Variants in COPZ1 observed in about 807,000 individuals in gnomAD.
COPZ1 encodes the protein coatomer subunit zeta-1.
In COPZ1, 4 loss-of-function variants were observed where a neutral mutation model predicts 31.7. That is an observed-to-expected ratio of 0.13 (90% CI 0.06 to 0.29). COPZ1 has a LOEUF of 0.29. Ranked by LOEUF, COPZ1 falls within the 10% of genes least tolerant of loss-of-function variation. The probability of loss-of-function intolerance (pLI) is 1.00; values close to 1 mark genes in which losing one functional copy is unlikely to be tolerated. For synonymous variants in COPZ1, 74 were observed against 79.0 expected, an observed-to-expected ratio of 0.94 and a Z score of 0.33; for missense variants, 156 against 211.5, an observed-to-expected ratio of 0.74 and a Z score of 1.63.
intron 8 of COPZ1, chr12:54,350,178 C>A (rs975580469): frequency 1.2e-5 from 8 of 681,324 alleles, no homozygotes; most frequent in Admixed American, 4.4e-5. Context: ...ATTTGTTACC[C>A]GCCCCCTGCC....
At chr12:54,330,183 G>T (rs1953724889) in intron 1 of COPZ1, among the ~76,000 whole-genome samples, 1 of 152,112 alleles carries the variant, frequency 6.6e-6, no homozygotes, top group African/African-American at 2.4e-5. Context: ...GAGGTCCCTG[G>T]CAGCAATAAA....
chr12:54,326,392 G>C lies in COPZ1; in HGVS notation c.18+1211G>C, dbSNP rs539512689. Among the ~76,000 whole-genome samples the C allele has an allele frequency of 1.5e-3, 218 of 148,108 alleles. 1 individual carries two copies. The highest frequency in any genetic ancestry group is 2.4e-3 in the Non-Finnish European group (161 of 67,374). On this transcript the variant is annotated intron_variant, in intron 1 of 8. Transcript: ENST00000262061. ...CCTGACCTCGTAATCCACCCGCCTC[G>C]GCCTCCCAAAGTGCTGGGATTACAG...
Position 54,350,680 on chromosome 12 carries a change from C to G in COPZ1, c.*157C>G. 1.5e-6 allele frequency: 1 copy of G among 655,394 alleles called. No individual in the cohort carries two copies. The highest frequency in any genetic ancestry group is 2.7e-5 in the East Asian group (1 of 37,088). 40.6% of individuals were successfully genotyped at this position (655,394 alleles called of 1,614,324 possible). On this transcript the variant is annotated 3_prime_UTR_variant, in exon 9 of 9. Coordinates refer to ENST00000262061, the MANE Select transcript of COPZ1 (RefSeq NM_016057.3). The stretch of plus-strand genomic sequence containing the variant: ...GTTTGTGGTTGCCCCCTCAACCTCC[C>G]CTACACCCTTCCTATTCTTTTTCAT...
At chr12:54,346,036 T>G (rs1954057141) in intron 5 of COPZ1, among the ~76,000 whole-genome samples, 1 of 151,788 alleles carries the variant, frequency 6.6e-6, no homozygotes, top group Admixed American at 6.6e-5. Context: ...AGTATGTCCC[T>G]CCCATAGAAT....
intron 3 of COPZ1, among the ~76,000 whole-genome samples, 154 bp from the exon 4 acceptor site, chr12:54,343,071 G>A (rs936176226): frequency 6.6e-6 from 1 of 151,992 alleles, no homozygotes; most frequent in African/African-American, 2.4e-5. Context: ...TGGCCAGGCT[G>A]GTCTTGAACT....
intron 7 of COPZ1, among the ~76,000 whole-genome samples, chr12:54,348,648 A>G (rs1279553615): frequency 6.6e-6 from 1 of 152,070 alleles, no homozygotes; most frequent in Non-Finnish European, 1.5e-5. Context: ...AAGGCAGGAG[A>G]ATTGCTTGAG....
intron 1 of COPZ1, among the ~76,000 whole-genome samples, chr12:54,328,514 C>G (rs768014503): frequency 6.6e-6 from 1 of 151,952 alleles, no homozygotes; most frequent in African/African-American, 2.4e-5. Context: ...CGCGGTGAGC[C>G]GAGATGCGCC....
In COPZ1 at chr12:54,339,542, G is replaced by A. The variant is rs575688957; in HGVS notation, c.19-1005G>A. Among the ~76,000 whole-genome samples the A allele has an allele frequency of 6.6e-5, 10 of 152,028 alleles. No homozygotes were observed. In the East Asian group the frequency reaches 1.9e-3, roughly 29 times the overall value. ...TTTTTTATTTTTGTAGAGATGGGGG[G>A]TCTCCCTGTGTTTCCCAGGCTGGTC... On this transcript the variant is annotated intron_variant, in intron 1 of 8. Coordinates refer to ENST00000262061, the MANE Select transcript of COPZ1 (RefSeq NM_016057.3).
At chr12:54,336,473 C>T (rs1341022756) in intron 1 of COPZ1, among the ~76,000 whole-genome samples, 1 of 151,594 alleles carries the variant, frequency 6.6e-6, no homozygotes, top group Non-Finnish European at 1.5e-5. Flanking sequence ...GGAGGCGGAG[C>T]TTGCAGTGAG....
chr12:54,351,412 C>T lies in COPZ1; in HGVS notation c.*889C>T, dbSNP rs1259858401. The T allele has an allele frequency of 6.6e-6, 1 of 152,278 alleles. No homozygotes were observed. Among genetic ancestry groups the T allele is most frequent in the Non-Finnish European group, 1.5e-5 (1 of 68,126 alleles). The allele number at this position is 152,278 out of a possible 1,614,324, so 9.4% of individuals were successfully genotyped here. A position where few individuals can be genotyped will look rare whatever the true frequency, so the allele number is the denominator to read the frequency against. On this transcript the variant is annotated 3_prime_UTR_variant, in exon 9 of 9. Coordinates refer to ENST00000262061, the MANE Select transcript of COPZ1 (RefSeq NM_016057.3). ...TGGGCCTCTAGGCTGTCTCTGTCCC[C>T]TCAGCTCCCCGACATGCATTTACTC...
At chr12:54,329,317 G>T (rs1006745972) in intron 1 of COPZ1, among the ~76,000 whole-genome samples, 3 of 151,792 alleles carry the variant, frequency 2.0e-5, no homozygotes, top group African/African-American at 7.3e-5. Flanking sequence ...TGAATTACTC[G>T]GGCCGGGCTC....
chr12:54,334,108 T>C (rs1344421690), intron 1 of COPZ1, among the ~76,000 whole-genome samples: 1 of 151,458 alleles, frequency 6.6e-6, no homozygotes, highest in African/African-American at 2.4e-5. Flanking sequence ...ATAAATCTGA[T>C]ATAGGCTGGG....
chr12:54,346,595 T>G (rs4758958), intron 5 of COPZ1: 92,842 of 700,898 alleles, frequency 0.13, 7,197 homozygotes, highest in East Asian at 0.22. Context: ...CTAGTCCTTG[T>G]TTTTTCCCTT....
At chr12:54,347,617 C>G (rs1241792701) in intron 5 of COPZ1, 150 bp from the exon 6 acceptor site, 1 of 651,914 alleles carries the variant, frequency 1.5e-6, no homozygotes, top group African/African-American at 1.9e-5. Context: ...TTTGAGTGAA[C>G]TAGCTAAAAA....
chr12:54,326,659 G>C (rs1436796658), intron 1 of COPZ1, among the ~76,000 whole-genome samples: 1 of 149,628 alleles, frequency 6.7e-6, no homozygotes, highest in Non-Finnish European at 1.5e-5. Flanking sequence ...GTGTGTGTGT[G>C]TGTGTGTGTG....
chr12:54,343,950 T>G (rs1954016591), intron 4 of COPZ1, among the ~76,000 whole-genome samples: 1 of 152,226 alleles, frequency 6.6e-6, no homozygotes, highest in African/African-American at 2.4e-5. Context: ...TTGTAGGCAT[T>G]GGTGCCTTTG....
At chr12:54,343,573 G>A (rs2137107067) in intron 4 of COPZ1, among the ~76,000 whole-genome samples, 1 of 152,276 alleles carries the variant, frequency 6.6e-6, no homozygotes, top group East Asian at 1.9e-4. Context: ...CCTGAGTAGT[G>A]TTTTTTAAGA....
rs376077068 is a variant in COPZ1, at chr12:54,340,560, A to G, written c.32A>G (p.Tyr11Cys). The stretch of plus-strand genomic sequence containing the variant: ...GTATCTCTTCAGGAACCTTCCCTGT[A>G]TACTGTCAAAGCCATCCTGATTCTG... MEALILEPSL[Y>C]TVKAILILDN... The change falls in exon 2 of 9, where the codon TAT becomes TGT. Residue 11 changes from tyrosine to cysteine, a missense_variant. Physicochemically the swap from Tyr to Cys is radical, Grantham distance 194 (BLOSUM62 -2). Coordinates refer to ENST00000262061, the MANE Select transcript of COPZ1 (RefSeq NM_016057.3). 2.1e-5 allele frequency: 34 copies of G among 1,614,138 alleles called. No individual in the cohort carries two copies. In the East Asian group the frequency reaches 4.5e-4, roughly 21 times the overall value.
intron 1 of COPZ1, among the ~76,000 whole-genome samples, chr12:54,332,461 G>T (rs1397701726): frequency 1.3e-5 from 2 of 151,814 alleles, no homozygotes; most frequent in Non-Finnish European, 2.9e-5. Context: ...AGGTGGCTGG[G>T]CATGGTAGCT....
Sources: gnomAD v4.1 joint callset for allele counts (sites outside exome capture counted in the v4.1 genomes callset) on GRCh38, gnomAD v4.1.1 for gene constraint, MANE v1.5 for transcripts, NCBI Gene and HGNC (gene_info 2026-07-23, HGNC 2026-07-21) for gene names.